Variants in PCDH7 observed in about 807,000 individuals in gnomAD.
The protein encoded by PCDH7 is protocadherin 7, also known as protocadherin-7.
Under a neutral mutation model 58.9 loss-of-function variants are expected in PCDH7, and 17 were observed. The observed-to-expected ratio is 0.29, with a 90% CI of 0.20 to 0.43. The LOEUF is 0.43. PCDH7 is among the 20% of genes least tolerant of loss of function. PCDH7 has a pLI of 1.00. For missense variants in PCDH7, 1,274 were observed against 1,441.0 expected, an observed-to-expected ratio of 0.88 and a Z score of 1.88; for synonymous variants, 664 against 616.4, an observed-to-expected ratio of 1.08 and a Z score of -1.14.
chr4:30,819,128 A>C (rs1728038763), intron 1 of PCDH7, among the ~76,000 whole-genome samples: 1 of 152,142 alleles, frequency 6.6e-6, no homozygotes, highest in Non-Finnish European at 1.5e-5. Flanking sequence ...GTTTTCTGTG[A>C]GGGTACAGGA....
chr4:31,049,678 A>T (rs1156466608), intron 3 of PCDH7, among the ~76,000 whole-genome samples: 2 of 152,080 alleles, frequency 1.3e-5, no homozygotes, highest in Admixed American at 6.6e-5. Flanking sequence ...AGACGCCTTC[A>T]TCAGGGCCCT....
At chr4:30,745,327 C>T (rs751227) in intron 1 of PCDH7, among the ~76,000 whole-genome samples, 126,884 of 150,018 alleles carry the variant, frequency 0.85, 53,805 homozygotes, top group African/African-American at 0.87. Flanking sequence ...GACTTTTTTT[C>T]TTTTACAATT....
At chr4:31,075,908 A>C (rs1320568635) in intron 3 of PCDH7, among the ~76,000 whole-genome samples, 1 of 152,154 alleles carries the variant, frequency 6.6e-6, no homozygotes, top group East Asian at 1.9e-4. Flanking sequence ...AACGACTTTA[A>C]ACCAGAAAGG....
intron 3 of PCDH7, among the ~76,000 whole-genome samples, chr4:31,100,221 T>C (rs914216966): frequency 6.6e-6 from 1 of 152,072 alleles, no homozygotes; most frequent in Non-Finnish European, 1.5e-5. Context: ...TAAAGCTCGA[T>C]AGGTAGATTT....
chr4:30,907,484 A>G (rs555668789), intron 1 of PCDH7, among the ~76,000 whole-genome samples: 2 of 152,356 alleles, frequency 1.3e-5, no homozygotes, highest in Admixed American at 6.5e-5. Flanking sequence ...TACTCAGCCA[A>G]TGTCATATGC....
chr4:31,034,783 G>A (rs543391936), intron 3 of PCDH7, among the ~76,000 whole-genome samples: 1 of 152,232 alleles, frequency 6.6e-6, no homozygotes, highest in Admixed American at 6.5e-5. Context: ...AATGCTGTAT[G>A]TAAGTGTGGA....
chr4:31,088,708 G>GT (rs1457886852), intron 3 of PCDH7, among the ~76,000 whole-genome samples: 4 of 151,896 alleles, frequency 2.6e-5, no homozygotes, highest in African/African-American at 7.2e-5. Flanking sequence ...GAGTGTATTT[G>GT]TTTTTTTAAA....
intron 3 of PCDH7, among the ~76,000 whole-genome samples, chr4:31,087,270 A>C (rs1462108278): frequency 6.6e-6 from 1 of 152,016 alleles, no homozygotes; most frequent in Non-Finnish European, 1.5e-5. Flanking sequence ...CCTTTTTTTC[A>C]CACTTGGAAT....
At chr4:31,093,688 C>T (rs537962483) in intron 3 of PCDH7, among the ~76,000 whole-genome samples, 36 of 152,216 alleles carry the variant, frequency 2.4e-4, no homozygotes, top group Non-Finnish European at 4.7e-4. Context: ...ATATCCACTA[C>T]ATTGCAAGTC....
At chr4:30,833,150 G>A (rs1730021760) in intron 1 of PCDH7, among the ~76,000 whole-genome samples, 1 of 152,156 alleles carries the variant, frequency 6.6e-6, no homozygotes, top group South Asian at 2.1e-4. Flanking sequence ...TGCTATGTCT[G>A]TAGACATTAT....
At chr4:30,733,865 C>A (rs2109240680), downstream of PCDH7, among the ~76,000 whole-genome samples, 1 of 152,192 alleles carries the variant, frequency 6.6e-6, no homozygotes, top group South Asian at 2.1e-4. Context: ...TAGAAGAATT[C>A]CTTAAAACAG....
chr4:31,123,500 G>A (rs764456196), intron 3 of PCDH7, among the ~76,000 whole-genome samples: 3 of 152,198 alleles, frequency 2.0e-5, no homozygotes, highest in Non-Finnish European at 4.4e-5. Flanking sequence ...GCAAGAGCCA[G>A]GGCAAGTGCC....
chr4:30,831,340 A>G (rs1729749009), intron 1 of PCDH7, among the ~76,000 whole-genome samples: 1 of 152,184 alleles, frequency 6.6e-6, no homozygotes, highest in Non-Finnish European at 1.5e-5. Context: ...GGACTTGATT[A>G]ACTCAAAGAA....
intron 1 of PCDH7, among the ~76,000 whole-genome samples, chr4:30,819,485 A>G (rs550632159): frequency 1.2e-4 from 18 of 152,292 alleles, no homozygotes; most frequent in African/African-American, 4.1e-4. Flanking sequence ...GTGCTCATAC[A>G]AGAGTTTAAC....
intron 3 of PCDH7, among the ~76,000 whole-genome samples, chr4:31,022,041 G>T (rs552380693): frequency 6.6e-6 from 1 of 152,000 alleles, no homozygotes; most frequent in Non-Finnish European, 1.5e-5. Flanking sequence ...AATTATTGTC[G>T]TTTAAATATG....
chr4:30,813,320 C>T lies in PCDH7; in HGVS notation c.70+88724C>T, dbSNP rs143947700. Among the ~76,000 whole-genome samples the T allele has an allele frequency of 1.3e-3, 202 of 152,264 alleles. 4 individuals are homozygous for T. The East Asian group carries it at 0.037, about 28-fold the overall frequency. ...GACAAAGGCATTAGTAAAAAGTGAACTGTTCCTTTTGGTATGTTACTCACT... is the reference window on the plus strand; with the variant it reads ...GACAAAGGCATTAGTAAAAAGTGAATTGTTCCTTTTGGTATGTTACTCACT... On this transcript the variant is annotated intron_variant, in intron 1 of 3. Transcript: ENST00000509759.
chr4:30,820,207 T>C (rs747801404), intron 1 of PCDH7, among the ~76,000 whole-genome samples: 2 of 152,108 alleles, frequency 1.3e-5, no homozygotes, highest in Non-Finnish European at 2.9e-5. Flanking sequence ...GCAAAATAAA[T>C]AGTAAAATAA....
intron 3 of PCDH7, among the ~76,000 whole-genome samples, chr4:31,120,405 A>T (rs1407925477): frequency 1.2e-3 from 98 of 81,768 alleles, no homozygotes; most frequent in African/African-American, 1.5e-3. Flanking sequence ...TTTTCCTTTC[A>T]GTCTTGTCTT....
intron 3 of PCDH7, among the ~76,000 whole-genome samples, chr4:30,968,319 CTA>C (rs1553920869): frequency 3.0e-4 from 25 of 82,576 alleles, no homozygotes; most frequent in Non-Finnish European, 5.6e-4. Flanking sequence ...TATATATACA[CTA>C]TATATATATA....
Sources: allele counts gnomAD v4.1 joint callset (sites outside exome capture counted in the v4.1 genomes callset), GRCh38; gene constraint gnomAD v4.1.1; transcripts MANE v1.5; gene names NCBI Gene and HGNC (gene_info 2026-07-23, HGNC 2026-07-21).